The following PPARGC1B variants were observed in gnomAD, a reference collection of about 807,000 sequenced individuals.
The protein encoded by PPARGC1B is peroxisome proliferator-activated receptor gamma coactivator 1-beta.
PPARGC1B carries 34 observed loss-of-function variants against 101.6 expected under a neutral mutation model. The observed-to-expected ratio is 0.33, with a 90% CI of 0.25 to 0.45. The LOEUF (loss-of-function observed/expected upper bound fraction) is 0.45, where lower values mean the gene tolerates loss of function less well. Among genes scored for constraint, PPARGC1B ranks in the 20% least tolerant of loss-of-function variants. The pLI is 1.00. For missense variants in PPARGC1B, 1,234 were observed against 1,317.6 expected, an observed-to-expected ratio of 0.94 and a Z score of 0.98; for synonymous variants, 548 against 539.3, an observed-to-expected ratio of 1.02 and a Z score of -0.22.
chr5:149,825,347 C>T (rs1400578019), intron 2 of PPARGC1B, among the ~76,000 whole-genome samples: 1 of 152,242 alleles, frequency 6.6e-6, no homozygotes, highest in African/African-American at 2.4e-5. Context: ...AGATCAGAAT[C>T]GTGCGCCCCT....
In PPARGC1B at chr5:149,820,471, T is replaced by C. The variant is rs749419605; in HGVS notation, c.117T>C (p.Phe39=). The change falls in exon 2 of 12, where the codon TTT becomes TTC. Residue 39 remains phenylalanine (F), a synonymous_variant. Coordinates refer to ENST00000309241, the MANE Select transcript of PPARGC1B (RefSeq NM_133263.4). The part of the protein sequence containing the change: ...GSGEEQLYAD[F]PELDLSQLDA... ...GGGAGGAGCAACTCTATGCTGACTT[T>C]CCAGAACTTGACCTCTCCCAGCTGG... is the stretch of plus-strand genomic sequence containing the variant. The C allele has an allele frequency of 1.9e-6, 3 of 1,614,046 alleles. No homozygotes were observed. The highest frequency in any genetic ancestry group is 1.7e-5 in the Admixed American group (1 of 60,026).
At chr5:149,842,822 A>G (rs1407953576) in intron 10 of PPARGC1B, among the ~76,000 whole-genome samples, 1 of 152,088 alleles carries the variant, frequency 6.6e-6, no homozygotes, top group Non-Finnish European at 1.5e-5. Context: ...ACTCCACTCT[A>G]CCTCAGCCCT....
At chr5:149,800,300 A>G (rs1304987868) in intron 1 of PPARGC1B, among the ~76,000 whole-genome samples, 3 of 152,178 alleles carry the variant, frequency 2.0e-5, no homozygotes, top group African/African-American at 7.2e-5. Context: ...GCAGTGCACG[A>G]GGGGAGGGAT....
Position 149,845,898 on chromosome 5 carries a change from C to A in PPARGC1B, c.2955C>A (p.Pro985=), listed in dbSNP as rs773021665. The A allele has an allele frequency of 6.2e-7, 1 of 1,614,252 alleles. No homozygotes were observed. Among genetic ancestry groups the A allele is most frequent in the South Asian group, 1.1e-5 (1 of 91,090 alleles). ...SYGGLRHFCW[P]RYTDYDSNSE... ...GAGGGCTCCGGCACTTCTGCTGGCCCAGATACACTGACTACGGTAAGCCCC... is the reference window on the plus strand; with the variant it reads ...GAGGGCTCCGGCACTTCTGCTGGCCAAGATACACTGACTACGGTAAGCCCC... The change falls in exon 11 of 12, where the codon CCC becomes CCA. Residue 985 remains proline (P), a synonymous_variant. Transcript: ENST00000309241.
At chr5:149,789,325 C>T (rs566236112) in intron 1 of PPARGC1B, among the ~76,000 whole-genome samples, 2 of 152,262 alleles carry the variant, frequency 1.3e-5, no homozygotes, top group South Asian at 4.2e-4. Context: ...TGGGGGCTTG[C>T]CTGGGAAGTG....
chr5:149,780,696 G>A (rs2113221504), intron 1 of PPARGC1B, among the ~76,000 whole-genome samples: 1 of 152,368 alleles, frequency 6.6e-6, no homozygotes, highest in Admixed American at 6.5e-5. Flanking sequence ...AACTAGAGAG[G>A]AGATGGTTCT....
At chr5:149,732,889 C>G (rs1236751500) in intron 1 of PPARGC1B, 1 of 459,300 alleles carries the variant, frequency 2.2e-6, no homozygotes, top group Non-Finnish European at 4.6e-6. Context: ...GTCAGAAGGC[C>G]TGAGTGGAGT....
chr5:149,796,049 A>G (rs907866951), intron 1 of PPARGC1B, among the ~76,000 whole-genome samples: 1 of 152,170 alleles, frequency 6.6e-6, no homozygotes, highest in Non-Finnish European at 1.5e-5. Context: ...GGAAGCATGG[A>G]GAGGCTTCCG....
At chr5:149,755,052 C>CATATACATATATATAT (rs1360005539) in intron 1 of PPARGC1B, among the ~76,000 whole-genome samples, 37 of 108,936 alleles carry the variant, frequency 3.4e-4, no homozygotes, top group African/African-American at 1.3e-3. Flanking sequence ...TATACATATA[C>CATATACATATATATAT]ATATATATAT....
At chr5:149,855,380 C>T (rs960627625), downstream of PPARGC1B, among the ~76,000 whole-genome samples, 1 of 152,162 alleles carries the variant, frequency 6.6e-6, no homozygotes, top group Non-Finnish European at 1.5e-5. Flanking sequence ...GTTCCATGAA[C>T]GACTTTTTGC....
intron 1 of PPARGC1B, among the ~76,000 whole-genome samples, chr5:149,747,359 G>C (rs902449755): frequency 6.6e-6 from 1 of 152,222 alleles, no homozygotes; most frequent in African/African-American, 2.4e-5. Flanking sequence ...AAGTCCTTAA[G>C]CTGTACAGGC....
At chr5:149,844,720 C>T (rs142925533) in intron 10 of PPARGC1B, among the ~76,000 whole-genome samples, 2 of 152,214 alleles carry the variant, frequency 1.3e-5, no homozygotes, top group South Asian at 2.1e-4. Flanking sequence ...ACATGATTCA[C>T]GTAAATGTTT....
intron 6 of PPARGC1B, 81 bp from the exon 7 acceptor site, chr5:149,835,220 C>T (rs1758996239): frequency 7.6e-7 from 1 of 1,320,494 alleles, no homozygotes; most frequent in Non-Finnish European, 1.1e-6. Context: ...ACAGCACTCC[C>T]TGCGACCCTT....
chr5:149,809,359 A>ATAGATAGATAGATAGATCCATCTCTACCG (rs1561567707), intron 1 of PPARGC1B, among the ~76,000 whole-genome samples: 9 of 93,550 alleles, frequency 9.6e-5, no homozygotes, highest in South Asian at 3.6e-4. Context: ...CCATAGATAG[A>ATAGATAGATAGATAGATCCATCTCTACCG]TAGATAGATA....
chr5:149,838,012 A>G (rs1039427498), intron 8 of PPARGC1B, among the ~76,000 whole-genome samples: 58 of 152,228 alleles, frequency 3.8e-4, no homozygotes, highest in African/African-American at 1.2e-3. Flanking sequence ...GTTTCCAACA[A>G]GTCCCCAGGT....
At chr5:149,823,538 G>T (rs1758385769) in intron 2 of PPARGC1B, among the ~76,000 whole-genome samples, 1 of 152,056 alleles carries the variant, frequency 6.6e-6, no homozygotes, top group Admixed American at 6.6e-5. Flanking sequence ...ACTGGGGGTG[G>T]GGCTGAGTCT....
chr5:149,757,184 T>C (rs1755561134), intron 1 of PPARGC1B, among the ~76,000 whole-genome samples: 1 of 152,122 alleles, frequency 6.6e-6, no homozygotes, highest in Non-Finnish European at 1.5e-5. Context: ...AGCTGGAGAA[T>C]CAGAAAGGAA....
chr5:149,738,229 T>C (rs955723844), intron 1 of PPARGC1B, among the ~76,000 whole-genome samples: 2 of 152,072 alleles, frequency 1.3e-5, no homozygotes, highest in Admixed American at 6.5e-5. Context: ...GCCTGGAATA[T>C]AACAGACATT....
At chr5:149,734,481 T>C (rs925236132) in intron 1 of PPARGC1B, among the ~76,000 whole-genome samples, 3 of 152,100 alleles carry the variant, frequency 2.0e-5, no homozygotes, top group African/African-American at 7.2e-5. Context: ...ATCTTAATGA[T>C]TATATAATGT....
Sources: gnomAD v4.1 joint callset for allele counts (sites outside exome capture counted in the v4.1 genomes callset) on GRCh38, gnomAD v4.1.1 for gene constraint, MANE v1.5 for transcripts, NCBI Gene and HGNC (gene_info 2026-07-23, HGNC 2026-07-21) for gene names.